Variants in ATP10B observed in about 807,000 individuals in gnomAD.
The protein encoded by ATP10B is ATPase phospholipid transporting 10B (putative).
A neutral mutation model predicts 141.2 loss-of-function variants in ATP10B; 122 were observed. That is an observed-to-expected ratio of 0.86 (90% CI 0.75 to 1.00). The LOEUF (loss-of-function observed/expected upper bound fraction) is 1.00. Ranked by LOEUF, ATP10B falls within the 50% of genes least tolerant of loss-of-function variation. The probability of loss-of-function intolerance (pLI) is 0.00; values close to 1 mark genes in which losing one functional copy is unlikely to be tolerated. For synonymous variants in ATP10B, 685 were observed against 692.0 expected (o/e 0.99, Z 0.16); for missense variants, 1,876 against 1,825.3 (o/e 1.03, Z -0.51).
the ATP10B span, among the ~76,000 whole-genome samples, chr5:160,869,914 C>A: frequency 6.6e-6 from 1 of 152,086 alleles, no homozygotes; most frequent in African/African-American, 2.4e-5. Context: ...AATAATGAAC[C>A]CTTCCCCTTC....
Position 160,564,761 on chromosome 5 carries a change from C to T in ATP10B, c.*692G>A, listed in dbSNP as rs1299739637. Reference sequence around the variant, plus strand: ...AGCCAAAACAGGGGTCTCTGGTGCACCCGTTCCCTTTTGCATGTCTATTCT... The same window carrying T: ...AGCCAAAACAGGGGTCTCTGGTGCATCCGTTCCCTTTTGCATGTCTATTCT... On this transcript the variant is annotated 3_prime_UTR_variant, in exon 26 of 26. Coordinates refer to ENST00000327245, the MANE Select transcript of ATP10B (RefSeq NM_025153.3). 1 of 152,216 alleles carries T rather than the reference C, an allele frequency of 6.6e-6. No individual in the cohort carries two copies. Among genetic ancestry groups the T allele is most frequent in the Non-Finnish European group, 1.5e-5 (1 of 68,068 alleles). The allele number at this position is 152,216 out of a possible 1,614,324, so 9.4% of individuals were successfully genotyped here. A position where few individuals can be genotyped will look rare whatever the true frequency, so the allele number is the denominator to read the frequency against.
At chr5:160,726,453 C>T (rs866485046) in intron 2 of ATP10B, among the ~76,000 whole-genome samples, 1 of 152,168 alleles carries the variant, frequency 6.6e-6, no homozygotes, top group Admixed American at 6.5e-5. Flanking sequence ...CTGTTCATCC[C>T]AGCCCTAGAC....
chr5:160,882,057 TG>T, the ATP10B span, among the ~76,000 whole-genome samples: 1 of 152,120 alleles, frequency 6.6e-6, no homozygotes, highest in Admixed American at 6.6e-5. Flanking sequence ...GGTAAAACTC[TG>T]GAGACAATAA....
intron 1 of ATP10B, among the ~76,000 whole-genome samples, chr5:160,829,623 T>G (rs1456569748): frequency 2.0e-5 from 3 of 152,162 alleles, no homozygotes; most frequent in African/African-American, 7.2e-5. Context: ...TTATGTCATC[T>G]CTGATTTCTT....
At chr5:160,840,994 G>GCAAT (rs986602006) in intron 1 of ATP10B, among the ~76,000 whole-genome samples, 2 of 152,116 alleles carry the variant, frequency 1.3e-5, no homozygotes, top group Non-Finnish European at 2.9e-5. Context: ...TAGGCATGCA[G>GCAAT]ATTGGTTGGA....
At chr5:160,836,289 C>G (rs1457386097) in intron 1 of ATP10B, among the ~76,000 whole-genome samples, 1 of 152,078 alleles carries the variant, frequency 6.6e-6, no homozygotes, top group Middle Eastern at 3.2e-3. Flanking sequence ...GACCACAAAA[C>G]TCTGTAAATT....
intron 3 of ATP10B, among the ~76,000 whole-genome samples, chr5:160,716,551 G>T (rs1765671620): frequency 6.6e-6 from 1 of 152,112 alleles, no homozygotes; most frequent in Non-Finnish European, 1.5e-5. Context: ...AGAATGCTAG[G>T]AAACAAAATG....
At chr5:160,595,365 C>A in intron 22 of ATP10B, among the ~76,000 whole-genome samples, 1 of 151,898 alleles carries the variant, frequency 6.6e-6, no homozygotes, top group Non-Finnish European at 1.5e-5. Flanking sequence ...CACAACATAC[C>A]AGAATCTCTG....
intron 7 of ATP10B, among the ~76,000 whole-genome samples, chr5:160,653,109 A>G (rs1761020043): frequency 7.8e-6 from 1 of 127,866 alleles, no homozygotes; most frequent in East Asian, 2.2e-4. Flanking sequence ...TGTATATATA[A>G]CATATACATG....
chr5:160,795,220 C>A (rs1260598806), intron 1 of ATP10B, among the ~76,000 whole-genome samples: 2 of 152,198 alleles, frequency 1.3e-5, no homozygotes, highest in South Asian at 4.1e-4. Context: ...AGCTGAGTCT[C>A]AAACAGGATA....
chr5:160,609,536 A>C (rs1757593129), intron 18 of ATP10B, among the ~76,000 whole-genome samples: 1 of 151,890 alleles, frequency 6.6e-6, no homozygotes, highest in Non-Finnish European at 1.5e-5. Context: ...GCGCCACCAC[A>C]CCTGGCTAAT....
chr5:160,800,176 G>C (rs1266433821), intron 1 of ATP10B, among the ~76,000 whole-genome samples: 2 of 152,090 alleles, frequency 1.3e-5, no homozygotes, highest in African/African-American at 4.8e-5. Context: ...GTCATTTCAG[G>C]GTAGTAAAGT....
chr5:160,633,575 T>C (rs1398271369), intron 12 of ATP10B: 1 of 152,548 alleles, frequency 6.6e-6, no homozygotes, highest in African/African-American at 2.4e-5. Context: ...AGGGGAGGGA[T>C]AGCATTAGGA....
At chr5:160,758,412 G>A (rs1469960588) in intron 2 of ATP10B, among the ~76,000 whole-genome samples, 1 of 152,136 alleles carries the variant, frequency 6.6e-6, no homozygotes, top group Non-Finnish European at 1.5e-5. Flanking sequence ...TATTATTATA[G>A]AGGCCGAAAC....
intron 10 of ATP10B, among the ~76,000 whole-genome samples, chr5:160,637,273 T>A (rs188439092): frequency 1.4e-5 from 2 of 138,030 alleles, no homozygotes; most frequent in Admixed American, 1.4e-4. Context: ...ACTCACCCAT[T>A]TATCCATCCA....
At chr5:160,775,210 G>A (rs529966479) in intron 2 of ATP10B, among the ~76,000 whole-genome samples, 1 of 152,222 alleles carries the variant, frequency 6.6e-6, no homozygotes, top group Non-Finnish European at 1.5e-5. Flanking sequence ...ACGCAGCCAA[G>A]TCAAACTCTA....
At chr5:160,700,393 C>A (rs1412549327) in intron 3 of ATP10B, among the ~76,000 whole-genome samples, 1 of 152,136 alleles carries the variant, frequency 6.6e-6, no homozygotes, top group African/African-American at 2.4e-5. Flanking sequence ...ACATCTCTAG[C>A]ACTTTCATCT....
intron 1 of ATP10B, among the ~76,000 whole-genome samples, chr5:160,829,456 G>A (rs988144535): frequency 6.6e-6 from 1 of 151,920 alleles, no homozygotes; most frequent in African/African-American, 2.4e-5. Context: ...TTTCATATGC[G>A]TTTTAGAATA....
intron 17 of ATP10B, among the ~76,000 whole-genome samples, chr5:160,615,423 T>C (rs1757942996): frequency 6.6e-6 from 1 of 151,118 alleles, no homozygotes; most frequent in African/African-American, 2.4e-5. Flanking sequence ...CACCAGTCTG[T>C]TGAAATTGCT....
Sources: allele counts gnomAD v4.1 joint callset (sites outside exome capture counted in the v4.1 genomes callset), GRCh38; gene constraint gnomAD v4.1.1; transcripts MANE v1.5; gene names NCBI Gene and HGNC (gene_info 2026-07-23, HGNC 2026-07-21).